FOXK2: variants seen among roughly 807,000 people sequenced by gnomAD.
The protein encoded by FOXK2 is forkhead box protein K2.
FOXK2 carries 24 observed loss-of-function variants against 53.3 expected under a neutral mutation model. The ratio of observed to expected loss-of-function variants is 0.45; its 90% CI spans 0.33 to 0.63. FOXK2 has a LOEUF of 0.63. Among genes scored for constraint, FOXK2 ranks in the 30% least tolerant of loss-of-function variants. The pLI, the probability that FOXK2 is intolerant of heterozygous loss-of-function variation, is 0.03. For missense variants in FOXK2, 952 were observed against 910.5 expected (o/e 1.05, Z -0.59); for synonymous variants, 505 against 407.1 (o/e 1.24, Z -2.89).
intron 8 of FOXK2, among the ~76,000 whole-genome samples, chr17:82,589,924 T>C (rs1272535531): frequency 1.3e-5 from 2 of 152,036 alleles, no homozygotes; most frequent in African/African-American, 4.8e-5. Flanking sequence ...CACATTCCTG[T>C]AATCCCTGCT....
At position 82,592,967 on chromosome 17, in the gene FOXK2, T is replaced by C. The variant is rs187546774; in HGVS notation, c.1786+5695T>C. On this transcript the variant is annotated intron_variant, in intron 8 of 8. Transcript: ENST00000335255. ...CTGCGCCGGGCACAGGCTCTTATTC[T>C]GAAAGCAGACCCAGTGAAGGTCTCC... 3.8e-3 allele frequency among the ~76,000 whole-genome samples: 563 copies of C among 149,290 alleles called. 2 individuals carry two copies. Among genetic ancestry groups the C allele is most frequent in the African/African-American group, 0.013 (539 of 40,358 alleles).
intron 8 of FOXK2, among the ~76,000 whole-genome samples, chr17:82,591,519 C>T (rs1487019433): frequency 6.6e-6 from 1 of 152,152 alleles, no homozygotes; most frequent in African/African-American, 2.4e-5. Flanking sequence ...GGAAGGGAAG[C>T]CCCAGAAATG....
chr17:82,598,449 T>C (rs1294170440), intron 8 of FOXK2, among the ~76,000 whole-genome samples: 2 of 152,122 alleles, frequency 1.3e-5, no homozygotes, highest in Non-Finnish European at 2.9e-5. Context: ...GGTGAGGCTG[T>C]TGGGTTGGGT....
intron 1 of FOXK2, among the ~76,000 whole-genome samples, chr17:82,536,343 G>T (rs907467896): frequency 6.6e-6 from 1 of 152,112 alleles, no homozygotes; most frequent in African/African-American, 2.4e-5. Context: ...TTTTGTTGTT[G>T]TTGCAAACTG....
At chr17:82,538,137 C>T (rs754074865) in intron 1 of FOXK2, among the ~76,000 whole-genome samples, 3 of 151,810 alleles carry the variant, frequency 2.0e-5, no homozygotes, top group African/African-American at 2.4e-5. Context: ...ACAGGAGAAT[C>T]GTTTGAACCC....
intron 1 of FOXK2, 90 bp downstream of exon 1, chr17:82,520,397 C>A: frequency 9.1e-7 from 1 of 1,099,612 alleles, no homozygotes; most frequent in Non-Finnish European, 1.1e-6. Context: ...CCGGGACCAC[C>A]CACGAGCGGG....
At chr17:82,598,339 C>T (rs957266523) in intron 8 of FOXK2, among the ~76,000 whole-genome samples, 3 of 152,182 alleles carry the variant, frequency 2.0e-5, no homozygotes, top group African/African-American at 7.2e-5. Context: ...AAGGGACCCG[C>T]CTGCCTCAGC....
chr17:82,524,378 A>C (rs62078082), intron 1 of FOXK2, among the ~76,000 whole-genome samples: 1 of 152,214 alleles, frequency 6.6e-6, no homozygotes, highest in Non-Finnish European at 1.5e-5. Flanking sequence ...AAAATTTGCA[A>C]GAGTACATAA....
intron 1 of FOXK2, among the ~76,000 whole-genome samples, chr17:82,539,734 G>A (rs1174906163): frequency 6.6e-6 from 1 of 152,056 alleles, no homozygotes; most frequent in Non-Finnish European, 1.5e-5. Context: ...GGAGGCTGAG[G>A]TGACTGGATC....
chr17:82,541,459 G>C (rs1324552239), intron 1 of FOXK2, among the ~76,000 whole-genome samples: 2 of 151,986 alleles, frequency 1.3e-5, no homozygotes, highest in Non-Finnish European at 2.9e-5. Context: ...TTTTAGTAGA[G>C]ACGGGGTTTA....
At chr17:82,530,510 G>GT (rs753680491) in intron 1 of FOXK2, among the ~76,000 whole-genome samples, 4,321 of 114,606 alleles carry the variant, frequency 0.038, 133 homozygotes, top group African/African-American at 0.059. Flanking sequence ...CTACTGATGT[G>GT]TTTTTTTTTT....
chr17:82,587,800 T>G (rs1392717657), intron 8 of FOXK2, among the ~76,000 whole-genome samples: 1 of 152,072 alleles, frequency 6.6e-6, no homozygotes, highest in Non-Finnish European at 1.5e-5. Flanking sequence ...CTGTGGAGTG[T>G]GGAAAGGGTG....
chr17:82,577,576 C>T (rs915253359), intron 4 of FOXK2, among the ~76,000 whole-genome samples: 1 of 151,858 alleles, frequency 6.6e-6, no homozygotes, highest in African/African-American at 2.4e-5. Context: ...TGCATACCGC[C>T]GACACTGCGG....
intron 1 of FOXK2, among the ~76,000 whole-genome samples, chr17:82,543,665 A>G (rs900248578): frequency 6.6e-6 from 1 of 151,812 alleles, no homozygotes; most frequent in Non-Finnish European, 1.5e-5. Flanking sequence ...GGGTCTTGCT[A>G]GAGTGCAGTG....
intron 1 of FOXK2, among the ~76,000 whole-genome samples, chr17:82,544,810 G>T (rs555026216): frequency 6.6e-4 from 101 of 152,050 alleles, no homozygotes; most frequent in Non-Finnish European, 1.2e-3. Flanking sequence ...CGTCCTCAGT[G>T]GCTTTGGGAC....
rs184940854 is a variant in FOXK2 at position 82,601,504 on chromosome 17, C to T, written c.*5C>T. The T allele has an allele frequency of 3.0e-5, 48 of 1,594,054 alleles. No individual in the cohort carries two copies. In the Admixed American group the frequency reaches 3.1e-4, roughly 10 times the overall value. On this transcript the variant is annotated 3_prime_UTR_variant, in exon 9 of 9. Coordinates refer to ENST00000335255, the MANE Select transcript of FOXK2 (RefSeq NM_004514.4). The stretch of plus-strand genomic sequence containing the variant: ...GAAAAGGGTGTCCAGAACTAGCGAC[C>T]GGGAGAGCTTTTCTTTAACGATATC...
chr17:82,571,097 C>T (rs1474957080), intron 3 of FOXK2, among the ~76,000 whole-genome samples: 1 of 152,174 alleles, frequency 6.6e-6, no homozygotes. Context: ...CTCAGCCAGC[C>T]TTACCCACCC....
At chr17:82,581,515 G>A (rs906228744) in intron 4 of FOXK2, among the ~76,000 whole-genome samples, 21 of 146,242 alleles carry the variant, frequency 1.4e-4, no homozygotes, top group Non-Finnish European at 2.5e-4. Context: ...TTACTCTGTC[G>A]CCCAGGCTGG....
In FOXK2 at chr17:82,569,546, A is replaced by G. The variant is rs2143029129; in HGVS notation, c.762+1345A>G. ...GGTGCCCTGTCTCTTGACCTAGTAT[A>G]CTGATGTTCACTTTGCAAAAATTTG... On this transcript the variant is annotated intron_variant, in intron 3 of 8. Transcript: ENST00000335255. Among the ~76,000 whole-genome samples the G allele has an allele frequency of 2.0e-5, 3 of 152,320 alleles. No individual in the cohort carries two copies. In the East Asian group the frequency reaches 5.8e-4, roughly 29 times the overall value.
Sources: allele counts gnomAD v4.1 joint callset (sites outside exome capture counted in the v4.1 genomes callset), GRCh38; gene constraint gnomAD v4.1.1; transcripts MANE v1.5; gene names NCBI Gene and HGNC (gene_info 2026-07-23, HGNC 2026-07-21).